FUS: variants seen among roughly 807,000 people sequenced by gnomAD.
FUS encodes the protein RNA-binding protein FUS.
A neutral mutation model predicts 82.7 loss-of-function variants in FUS; 5 were observed. The observed-to-expected ratio is 0.06, with a 90% CI of 0.03 to 0.13. FUS has a LOEUF of 0.13. FUS is among the 10% of genes least tolerant of loss of function. FUS has a pLI of 1.00. For synonymous variants in FUS, 281 were observed against 247.4 expected, an observed-to-expected ratio of 1.14 and a Z score of -1.27; for missense variants, 512 against 707.8, an observed-to-expected ratio of 0.72 and a Z score of 3.14.
chr16:31,188,297 T>G (rs2079301081), intron 7 of FUS, 28 bp from the exon 8 acceptor site: 1 of 1,610,756 alleles, frequency 6.2e-7, no homozygotes, highest in African/African-American at 1.3e-5. Context: ...TTGTTTTTTT[T>G]TTGTTCTTTT....
chr16:31,194,733 G>GAAC (rs1355832788), downstream of FUS: 1 of 485,164 alleles, frequency 2.1e-6, no homozygotes, highest in Non-Finnish European at 4.1e-6. Context: ...GCATGAATGA[G>GAAC]AACATACAAA....
chr16:31,180,136 GC>G (rs759404692), upstream of FUS: 89 of 1,569,920 alleles, frequency 5.7e-5, no homozygotes, highest in Non-Finnish European at 6.1e-5. Context: ...AGGAGGCGGG[GC>G]TGCTCAGTCC....
At position 31,189,807 on chromosome 16, in the gene FUS, A is replaced by C; in HGVS notation, c.1066+13A>C. 6.2e-7 allele frequency: 1 copy of C among 1,614,024 alleles called. No individual in the cohort carries two copies. The highest frequency in any genetic ancestry group is 1.1e-5 in the South Asian group (1 of 91,076). On this transcript the variant is annotated intron_variant, in intron 10 of 14. Transcript: ENST00000254108. ...GACTGGTTTGATGGTATGTATGAGA[A>C]GGCTGGCAGAGGTGGGGCTGGGGAT... is the stretch of plus-strand genomic sequence containing the variant.
downstream of FUS, chr16:31,192,503 A>G (rs779804507): frequency 1.9e-6 from 1 of 515,200 alleles, no homozygotes; most frequent in South Asian, 1.5e-5. Flanking sequence ...CTGCCATCAC[A>G]AGCATAGCTT....
chr16:31,183,873 A>G lies in FUS; in HGVS notation c.206A>G (p.Gln69Arg). Reference protein sequence around the residue: ...GQSQNTGYGTQSTPQGYGSTG... With the variant: ...GQSQNTGYGTRSTPQGYGSTG... ...ATCCTGGTAGCAGGCTATGGAACTC[A>G]GTCAACTCCCCAGGGATATGGCTCG... The change falls in exon 4 of 15, where the codon CAG becomes CGG. Residue 69 changes from glutamine to arginine, a missense_variant. By Grantham distance (43) the Gln-to-Arg change is conservative. Around this residue, in one of 6 missense-constraint regions of FUS, gnomAD observed 276 missense variants for 303.3 expected, o/e 0.91. Transcript: ENST00000254108. 6.2e-7 allele frequency: 1 copy of G among 1,614,106 alleles called. No homozygotes were observed. Among genetic ancestry groups the G allele is most frequent in the Non-Finnish European group, 8.5e-7 (1 of 1,180,012 alleles).
chr16:31,188,211 C>G (rs1196765618), intron 7 of FUS, 114 bp from the exon 8 acceptor site: 1 of 1,122,796 alleles, frequency 8.9e-7, no homozygotes. Context: ...TGATATTTTA[C>G]AAGTTTGGAT....
At chr16:31,183,818 C>G (rs571057775) in intron 3 of FUS, 40 bp from the exon 4 acceptor site, 1 of 1,613,698 alleles carries the variant, frequency 6.2e-7, no homozygotes, top group Admixed American at 1.7e-5. Flanking sequence ...TTTTCTCTTT[C>G]CTGGTGGCTT....
In FUS at chr16:31,184,543, G is replaced by T. The variant is rs1260604061; in HGVS notation, c.523+147G>T. 3.5e-5 allele frequency: 29 copies of T among 840,460 alleles called. No homozygotes were observed. The South Asian group carries it at 3.8e-4, about 11-fold the overall frequency. 52.1% of individuals were successfully genotyped at this position (840,460 alleles called of 1,614,324 possible). ...ACTGCAAGCTCCGCCTTCCGGGTTC[G>T]CGCCAGTCTCCTGCCTCAGCCTCCC... On this transcript the variant is annotated intron_variant, in intron 5 of 14. Coordinates refer to ENST00000254108, the MANE Select transcript of FUS (RefSeq NM_004960.4).
chr16:31,185,243 C>T, intron 6 of FUS, 64 bp downstream of exon 6: 3 of 1,511,954 alleles, frequency 2.0e-6, no homozygotes, highest in African/African-American at 1.4e-5. Context: ...ATGAATCTCC[C>T]TGAAGCCAGT....
chr16:31,188,412 C>T (rs978696711), intron 8 of FUS, 55 bp downstream of exon 8: 14 of 1,567,380 alleles, frequency 8.9e-6, no homozygotes, highest in Non-Finnish European at 1.1e-5. Flanking sequence ...TCAAGACTGC[C>T]TGGATGTTCT....
At chr16:31,194,584 T>G (rs2079399943), downstream of FUS, 1 of 497,988 alleles carries the variant, frequency 2.0e-6, no homozygotes. Flanking sequence ...GGGATTAAGG[T>G]GTGAGATACT....
chr16:31,187,298 T>C (rs1432168120), intron 7 of FUS: 5 of 280,772 alleles, frequency 1.8e-5, no homozygotes, highest in Non-Finnish European at 2.1e-5. Context: ...ATGGTGAAGT[T>C]GGTATACATT....
chr16:31,192,205 C>G (rs768235972), downstream of FUS: 8 of 527,388 alleles, frequency 1.5e-5, no homozygotes, highest in Admixed American at 1.6e-4. Context: ...ACTCAGAGGG[C>G]TTGAGGTCAT....
intron 3 of FUS, 80 bp downstream of exon 3, chr16:31,182,744 T>A (rs2079199341): frequency 6.3e-7 from 1 of 1,575,748 alleles, no homozygotes. Flanking sequence ...GGAGACGGAG[T>A]CTGGTCCTGT....
chr16:31,183,377 A>G (rs1029293277), intron 3 of FUS: 4 of 164,146 alleles, frequency 2.4e-5, no homozygotes, highest in African/African-American at 9.6e-5. Flanking sequence ...CTTATTTTCC[A>G]TCAGCATGAA....
At chr16:31,188,738 A>ACTC (rs1317945437) in intron 8 of FUS, 1 of 466,164 alleles carries the variant, frequency 2.1e-6, no homozygotes, top group Non-Finnish European at 3.9e-6. Flanking sequence ...AAAGCATTGA[A>ACTC]CTCCTGTTTA....
intron 1 of FUS, among the ~76,000 whole-genome samples, chr16:31,181,737 G>T (rs1288730312): frequency 1.3e-5 from 2 of 152,160 alleles, no homozygotes; most frequent in Non-Finnish European, 2.9e-5. Context: ...GACTCCTGGC[G>T]ATAATGGCTT....
Position 31,185,037 on chromosome 16 carries a change from T to A in FUS, c.622T>A (p.Tyr208Asn), listed in dbSNP as rs781418270. The change falls in exon 6 of 15, where the codon TAT becomes AAT. Residue 208 changes from tyrosine (Y) to asparagine (N), a missense_variant. By Grantham distance (143) the Tyr-to-Asn change is moderately radical. Transcript: ENST00000254108. ...DQSGGGGSGGYGQQDRGGRGR... is the reference protein window; with the variant it reads ...DQSGGGGSGGNGQQDRGGRGR... ...GAGTGGTGGAGGTGGCAGCGGTGGC[T>A]ATGGACAGCAGGACCGTGGAGGCCG... The A allele has an allele frequency of 6.2e-7, 1 of 1,612,862 alleles. No homozygotes were observed. The highest frequency in any genetic ancestry group is 8.5e-7 in the Non-Finnish European group (1 of 1,179,398).
In FUS at chr16:31,186,742, AAAC is replaced by A. The variant is rs1462491220; in HGVS notation, c.765-56_765-54del. ...TTGGGGAATGTTAAACAAAATCAAA[AAAC>A]AACCTTTTGTAGCCGTTGGAAGCTT... On this transcript the variant is annotated intron_variant, in intron 6 of 14. Coordinates refer to ENST00000254108, the MANE Select transcript of FUS (RefSeq NM_004960.4). 6 of 1,562,218 alleles carry A rather than the reference AAAC, an allele frequency of 3.8e-6. No homozygotes were observed. The Admixed American group carries it at 8.3e-5, about 22-fold the overall frequency.
Sources: allele counts gnomAD v4.1 joint callset (sites outside exome capture counted in the v4.1 genomes callset), GRCh38; gene constraint gnomAD v4.1.1; regional missense constraint gnomAD v4.1.1; transcripts MANE v1.5; gene names NCBI Gene and HGNC (gene_info 2026-07-23, HGNC 2026-07-21).